COL4A4: variants seen among roughly 807,000 people sequenced by gnomAD.
The protein encoded by COL4A4 is collagen type IV alpha 4 chain.
Under a neutral mutation model 192.9 loss-of-function variants are expected in COL4A4, and 105 were observed. That is an observed-to-expected ratio of 0.54 (90% confidence interval 0.46 to 0.64). The LOEUF is 0.64. Among genes scored for constraint, COL4A4 ranks in the 30% least tolerant of loss-of-function variants. The pLI, the probability that COL4A4 is intolerant of heterozygous loss-of-function variation, is 0.00. For synonymous variants in COL4A4, 762 were observed against 769.9 expected (o/e 0.99, Z 0.17); for missense variants, 1,967 against 2,169.3 (o/e 0.91, Z 1.85).
At chr2:226,994,955 G>A in the COL4A4 span, among the ~76,000 whole-genome samples, 11 of 152,096 alleles carry the variant, frequency 7.2e-5, no homozygotes, top group African/African-American at 2.4e-4. Context: ...TTTCAATCAC[G>A]CATGATTCTT....
At chr2:227,034,924 C>T (rs188544179) in intron 37 of COL4A4, among the ~76,000 whole-genome samples, 266 of 151,708 alleles carry the variant, frequency 1.8e-3, no homozygotes, top group African/African-American at 6.3e-3. Flanking sequence ...GCATAGTATT[C>T]CATGGTGTAT....
At chr2:227,100,543 G>T in intron 17 of COL4A4, among the ~76,000 whole-genome samples, 1 of 152,108 alleles carries the variant, frequency 6.6e-6, no homozygotes, top group East Asian at 1.9e-4. Context: ...ACCTAGAGAT[G>T]ATTTAAAATA....
chr2:227,040,192 G>A (rs1039333998), intron 37 of COL4A4, among the ~76,000 whole-genome samples: 3 of 152,166 alleles, frequency 2.0e-5, no homozygotes, highest in East Asian at 1.9e-4. Flanking sequence ...CTGAAAGGAG[G>A]GACTTTTTAT....
At chr2:227,042,986 T>C in intron 36 of COL4A4, 91 bp downstream of exon 36, 1 of 940,526 alleles carries the variant, frequency 1.1e-6, no homozygotes, top group Non-Finnish European at 1.7e-6. Context: ...GAGCCATATC[T>C]GAATTTAGGT....
At chr2:227,044,042 C>T (rs1971961798) in intron 35 of COL4A4, among the ~76,000 whole-genome samples, 1 of 152,192 alleles carries the variant, frequency 6.6e-6, no homozygotes, top group Non-Finnish European at 1.5e-5. Context: ...CAGTGACTTG[C>T]TGCAGAGCAC....
chr2:227,083,168 G>C (rs992594557), intron 22 of COL4A4, among the ~76,000 whole-genome samples: 6 of 152,310 alleles, frequency 3.9e-5, no homozygotes, highest in African/African-American at 1.4e-4. Context: ...GGTGGAGGTT[G>C]CAGTGAGCTG....
At chr2:227,041,848 G>GAAAGAGAAAGAAAGAA (rs1243663359) in intron 37 of COL4A4, among the ~76,000 whole-genome samples, 3 of 38,732 alleles carry the variant, frequency 7.7e-5, no homozygotes, top group East Asian at 1.1e-3. Context: ...AAGAAAGAAA[G>GAAAGAGAAAGAAAGAA]AGAAAGAAAG....
At chr2:227,078,189 T>C (rs1171032975) in intron 24 of COL4A4, 112 bp from the exon 25 acceptor site, 6 of 997,330 alleles carry the variant, frequency 6.0e-6, no homozygotes, top group Non-Finnish European at 9.2e-6. Context: ...CAGGAGACAG[T>C]TACTCTTAAG....
Position 227,059,475 on chromosome 2 carries a change from T to C in COL4A4, c.2313A>G (p.Gly771=). 8 of 1,614,102 alleles carry C rather than the reference T, an allele frequency of 5.0e-6. No individual in the cohort carries two copies. The highest frequency in any genetic ancestry group is 6.8e-6 in the Non-Finnish European group (8 of 1,180,022). The change falls in exon 28 of 48, where the codon GGA becomes GGG. Residue 771 remains glycine (G), a synonymous_variant. Transcript: ENST00000396625. ...CTGGCACTCCTGAAAGACCCCTCTT[T>C]CCCGGGGGTCCCAGGTGACCAAATG... ...DPAFGHLGPP[G]KRGLSGVPGI...
At chr2:227,100,925 C>G (rs1020349971) in intron 17 of COL4A4, among the ~76,000 whole-genome samples, 2 of 152,044 alleles carry the variant, frequency 1.3e-5, no homozygotes, top group Admixed American at 6.6e-5. Flanking sequence ...CTGCCTCAGC[C>G]TCCCAAGTAG....
intron 24 of COL4A4, among the ~76,000 whole-genome samples, chr2:227,078,926 C>G (rs1160150210): frequency 6.6e-6 from 1 of 152,216 alleles, no homozygotes; most frequent in Non-Finnish European, 1.5e-5. Context: ...TAAAATCAAT[C>G]CCCAGTTGCA....
the COL4A4 span, among the ~76,000 whole-genome samples, chr2:226,988,955 G>A: frequency 6.6e-6 from 1 of 152,218 alleles, no homozygotes; most frequent in African/African-American, 2.4e-5. Context: ...GGCAGAAGAT[G>A]CATTGTTTCT....
chr2:227,030,373 A>T, intron 41 of COL4A4, 70 bp downstream of exon 41: 2 of 1,505,486 alleles, frequency 1.3e-6, no homozygotes, highest in East Asian at 2.3e-5. Flanking sequence ...ATGGCGGCAC[A>T]GTACCCCAGA....
At chr2:226,972,925 G>A in the COL4A4 span, among the ~76,000 whole-genome samples, 5 of 119,406 alleles carry the variant, frequency 4.2e-5, no homozygotes, top group Non-Finnish European at 8.5e-5. Flanking sequence ...AAGGAAGCCT[G>A]TAGCAAAAAA....
At chr2:227,151,409 T>C (rs2125439922) in intron 1 of COL4A4, among the ~76,000 whole-genome samples, 1 of 152,350 alleles carries the variant, frequency 6.6e-6, no homozygotes, top group East Asian at 1.9e-4. Flanking sequence ...TGGGCCTTTT[T>C]ATTTCGTATC....
rs531700730 is a variant in COL4A4, at chr2:227,050,303, G to A, written c.3151-172C>T. ...CACTACATGTATCTAGTTTTTCAAA[G>A]TTGATATAGCTTCTCCAGAATTAGA... is the stretch of plus-strand genomic sequence containing the variant. On this transcript the variant is annotated intron_variant, in intron 33 of 47. Transcript: ENST00000396625. 1.0e-3 allele frequency among the ~76,000 whole-genome samples: 154 copies of A among 152,330 alleles called. 1 individual carries two copies. Among genetic ancestry groups the A allele is most frequent in the Admixed American group, 4.8e-3 (74 of 15,300 alleles).
chr2:226,979,986 G>A, the COL4A4 span, among the ~76,000 whole-genome samples: 1 of 152,318 alleles, frequency 6.6e-6, no homozygotes, highest in Admixed American at 6.5e-5. Context: ...GACAGGACGA[G>A]TGGAAGAGGA....
chr2:227,000,808 G>C (rs1703786621), downstream of COL4A4, among the ~76,000 whole-genome samples: 3 of 151,984 alleles, frequency 2.0e-5, no homozygotes, highest in African/African-American at 7.2e-5. Flanking sequence ...ATGGAATCAT[G>C]GGGGAACGTC....
At chr2:227,048,676 G>C (rs1184351496) in intron 34 of COL4A4, among the ~76,000 whole-genome samples, 1 of 152,116 alleles carries the variant, frequency 6.6e-6, no homozygotes, top group African/African-American at 2.4e-5. Context: ...TTTGACTCCA[G>C]GTATTTTGAG....
Sources: allele counts gnomAD v4.1 joint callset (sites outside exome capture counted in the v4.1 genomes callset), GRCh38; gene constraint gnomAD v4.1.1; transcripts MANE v1.5; gene names NCBI Gene and HGNC (gene_info 2026-07-23, HGNC 2026-07-21).